Variants in ASXL2 observed in about 807,000 individuals in gnomAD.
ASXL2 encodes putative Polycomb group protein ASXL2.
ASXL2 carries 23 observed loss-of-function variants against 122.0 expected under a neutral mutation model. The observed-to-expected ratio is 0.19, with a 90% CI of 0.14 to 0.27. The LOEUF (loss-of-function observed/expected upper bound fraction) is 0.27. Ranked by LOEUF, ASXL2 falls within the 10% of genes least tolerant of loss-of-function variation. The pLI is 1.00. For synonymous variants in ASXL2, 650 were observed against 637.0 expected (o/e 1.02, Z -0.31); for missense variants, 1,518 against 1,713.8 (o/e 0.89, Z 2.02).
intron 8 of ASXL2, among the ~76,000 whole-genome samples, chr2:25,766,960 A>G (rs990544081): frequency 2.6e-5 from 4 of 152,186 alleles, no homozygotes; most frequent in Non-Finnish European, 4.4e-5. Context: ...GGTGTTCTGC[A>G]ACCTTATGTG....
chr2:25,743,766 G>T lies in ASXL2; in HGVS notation c.2571C>A (p.Leu857=). ...GTATATTCTTACTAGGACCTGCTTT[G>T]AGCTCAACTGTGCCATCAGCTGCAC... ...VHCAADGTVE[L]KAGPSKNIPN... Residue 857 remains leucine, a synonymous_variant, in exon 13 of 13, where the codon CTC becomes CTA. Transcript: ENST00000435504. The T allele has an allele frequency of 6.2e-7, 1 of 1,613,978 alleles. No homozygotes were observed. Among genetic ancestry groups the T allele is most frequent in the Non-Finnish European group, 8.5e-7 (1 of 1,179,882 alleles).
chr2:25,864,785 T>A (rs2089880892), intron 1 of ASXL2, among the ~76,000 whole-genome samples: 1 of 152,078 alleles, frequency 6.6e-6, no homozygotes, highest in Admixed American at 6.5e-5. Context: ...TCTCTTAGGC[T>A]TATTGCTCTT....
chr2:25,857,315 T>C (rs926564762), intron 1 of ASXL2, among the ~76,000 whole-genome samples: 2 of 152,120 alleles, frequency 1.3e-5, no homozygotes, highest in Non-Finnish European at 2.9e-5. Flanking sequence ...AAATAGTCAC[T>C]TGGCACTATC....
chr2:25,786,354 C>T (rs1574416101), intron 5 of ASXL2, among the ~76,000 whole-genome samples: 1 of 149,422 alleles, frequency 6.7e-6, no homozygotes, highest in Non-Finnish European at 1.5e-5. Flanking sequence ...GATTCTCCTG[C>T]CTCAGCCTCC....
At chr2:25,816,935 G>A (rs947880259) in intron 3 of ASXL2, among the ~76,000 whole-genome samples, 1 of 152,152 alleles carries the variant, frequency 6.6e-6, no homozygotes, top group African/African-American at 2.4e-5. Flanking sequence ...GGCCAGCCTG[G>A]CCAACATGGT....
rs571856743 is a variant in ASXL2 at position 25,808,479 on chromosome 2, C to T, written c.144-2142G>A. Among the ~76,000 whole-genome samples the T allele has an allele frequency of 3.3e-5, 5 of 152,226 alleles. No individual in the cohort carries two copies. The South Asian group carries it at 6.2e-4, about 19-fold the overall frequency. ...CCCATGTAGCTGGGATTGCAGATGC[C>T]TGCCACCACACCCTGGTAATTTTTG... On this transcript the variant is annotated intron_variant, in intron 3 of 12. Transcript: ENST00000435504.
At chr2:25,754,710 C>T (rs768423732) in intron 10 of ASXL2, among the ~76,000 whole-genome samples, 1 of 151,792 alleles carries the variant, frequency 6.6e-6, no homozygotes, top group African/African-American at 2.4e-5. Flanking sequence ...TAATAATAAT[C>T]GCAGTATCAT....
rs2087779716 is a variant in ASXL2 at position 25,738,846 on chromosome 2, G to A, written c.*3183C>T. 1 of 152,076 alleles carries A rather than the reference G, an allele frequency of 6.6e-6. No individual in the cohort carries two copies. The highest frequency in any genetic ancestry group is 2.4e-5 in the African/African-American group (1 of 41,372). The allele number at this position is 152,076 out of a possible 1,614,324, so 9.4% of individuals were successfully genotyped here. A position where few individuals can be genotyped will look rare whatever the true frequency, so the allele number is the denominator to read the frequency against. ...AATAAGTATGCTCTCTCCACCCCAA[G>A]TTTCCCATTTGCCAGCTCTTATTCT... On this transcript the variant is annotated 3_prime_UTR_variant, in exon 13 of 13. Transcript: ENST00000435504.
intron 3 of ASXL2, 29 bp from the exon 4 acceptor site, chr2:25,806,366 G>C (rs776787291): frequency 6.8e-7 from 1 of 1,463,814 alleles, no homozygotes; most frequent in Non-Finnish European, 9.5e-7. Flanking sequence ...ATGTGATAAG[G>C]AACACAACAA....
chr2:25,745,719 C>T (rs1376276830), intron 12 of ASXL2, among the ~76,000 whole-genome samples: 1 of 142,056 alleles, frequency 7.0e-6, no homozygotes, highest in Non-Finnish European at 1.5e-5. Context: ...TCTCAGCTCA[C>T]TGTAACCTCT....
At chr2:25,810,095 A>G (rs2089144656) in intron 3 of ASXL2, 1 of 551,758 alleles carries the variant, frequency 1.8e-6, no homozygotes, top group South Asian at 1.4e-5. Context: ...TTTATCAGTA[A>G]GAATCTTGAT....
intron 1 of ASXL2, among the ~76,000 whole-genome samples, chr2:25,861,020 A>C (rs2089838960): frequency 6.6e-6 from 1 of 152,248 alleles, no homozygotes; most frequent in Non-Finnish European, 1.5e-5. Flanking sequence ...CCTCCAAAAA[A>C]ACAAAACACA....
chr2:25,759,235 G>T (rs2149146086), intron 9 of ASXL2, among the ~76,000 whole-genome samples: 1 of 152,256 alleles, frequency 6.6e-6, no homozygotes, highest in East Asian at 1.9e-4. Flanking sequence ...GATTACAGGT[G>T]TGAGCCACCA....
chr2:25,759,836 G>C (rs1306305878), intron 8 of ASXL2, among the ~76,000 whole-genome samples, 191 bp from the exon 9 acceptor site: 3 of 152,050 alleles, frequency 2.0e-5, no homozygotes, highest in Non-Finnish European at 2.9e-5. Flanking sequence ...ATTTATAGAG[G>C]ATAAAAGAAT....
At position 25,878,301 on chromosome 2, in the gene ASXL2, T is replaced by C. The variant is rs1235948682; in HGVS notation, c.-79A>G. 6 of 1,484,630 alleles carry C rather than the reference T, an allele frequency of 4.0e-6. No individual in the cohort carries two copies. The African/African-American group carries it at 5.6e-5, about 14-fold the overall frequency. The allele number at this position is 1,484,630 out of a possible 1,614,324, so 92.0% of individuals were successfully genotyped here. ...CCTGCCTGCTCTGCCCTGCGCTGCT[T>C]TTCCCGCGGTGCCGGGAAAGGTGGG... On this transcript the variant is annotated 5_prime_UTR_variant, in exon 1 of 13. Coordinates refer to ENST00000435504, the MANE Select transcript of ASXL2 (RefSeq NM_018263.6).
In ASXL2 at chr2:25,828,515, A is replaced by T. The variant is rs1328174898; in HGVS notation, c.143+7023T>A. ...AAGAGCAAAACTCCATTTCAAAAAAAAAAAATAAAAAGAAAAGATCCTTGT... is the reference window on the plus strand; with the variant it reads ...AAGAGCAAAACTCCATTTCAAAAAATAAAAATAAAAAGAAAAGATCCTTGT... On this transcript the variant is annotated intron_variant, in intron 3 of 12. Transcript: ENST00000435504. Among the ~76,000 whole-genome samples the T allele has an allele frequency of 3.4e-5, 5 of 147,996 alleles. 1 individual carries two copies. Among genetic ancestry groups the T allele is most frequent in the Non-Finnish European group, 4.5e-5 (3 of 66,974 alleles).
intron 8 of ASXL2, among the ~76,000 whole-genome samples, chr2:25,765,981 A>G (rs1444230947): frequency 6.6e-6 from 1 of 152,128 alleles, no homozygotes; most frequent in Non-Finnish European, 1.5e-5. Flanking sequence ...AATCAAACTA[A>G]GGTTTTTTTA....
chr2:25,810,755 T>G, intron 3 of ASXL2: 1 of 567,042 alleles, frequency 1.8e-6, no homozygotes, highest in Non-Finnish European at 3.3e-6. Flanking sequence ...CTTGAGCCAG[T>G]ACTACCTTTG....
intron 2 of ASXL2, among the ~76,000 whole-genome samples, chr2:25,844,684 G>A (rs556779277): frequency 2.0e-5 from 3 of 148,764 alleles, no homozygotes; most frequent in Admixed American, 2.0e-4. Context: ...TTCTTGCTCT[G>A]TCACCAAGGC....
Sources: allele counts gnomAD v4.1 joint callset (sites outside exome capture counted in the v4.1 genomes callset), GRCh38; gene constraint gnomAD v4.1.1; transcripts MANE v1.5; gene names NCBI Gene and HGNC (gene_info 2026-07-23, HGNC 2026-07-21).